Variants in HSPD1 observed in about 807,000 individuals in gnomAD.
HSPD1 encodes heat shock protein family D (Hsp60) member 1, also known as 60 kDa heat shock protein, mitochondrial.
A neutral mutation model predicts 53.0 loss-of-function variants in HSPD1; 3 were observed. The observed-to-expected ratio is 0.06, with a 90% CI of 0.03 to 0.15. The LOEUF (loss-of-function observed/expected upper bound fraction) is 0.15. Among genes scored for constraint, HSPD1 ranks in the 10% least tolerant of loss-of-function variants. The probability of loss-of-function intolerance (pLI) is 1.00; values close to 1 mark genes in which losing one functional copy is unlikely to be tolerated. For missense variants in HSPD1, 431 were observed against 694.1 expected (o/e 0.62, Z 4.26); for synonymous variants, 200 against 228.0 (o/e 0.88, Z 1.10).
intron 8 of HSPD1, 26 bp downstream of exon 8, chr2:197,490,171 A>C (rs1210237154): frequency 2.8e-6 from 4 of 1,440,668 alleles, no homozygotes; most frequent in Middle Eastern, 2.1e-4. Flanking sequence ...CATTCAGCAA[A>C]CCATTATCAC....
chr2:197,499,048 G>A (rs1333731398), intron 1 of HSPD1, 198 bp from the exon 2 acceptor site: 6 of 636,158 alleles, frequency 9.4e-6, no homozygotes. Flanking sequence ...GGCCGCCCCG[G>A]CCGGCGCCTG....
intron 3 of HSPD1, 160 bp downstream of exon 3, chr2:197,496,980 G>A: frequency 2.7e-6 from 2 of 729,842 alleles, no homozygotes; most frequent in Non-Finnish European, 4.8e-6. Context: ...ATACAGCCAA[G>A]CTTGCTAAAG....
rs571826905 is a variant in HSPD1 at position 197,490,562 on chromosome 2, G to T, written c.870-266C>A. 66 of 426,570 alleles carry T rather than the reference G, an allele frequency of 1.5e-4. No homozygotes were observed. In the Admixed American group the frequency reaches 1.6e-3, roughly 10 times the overall value. 26.4% of individuals were successfully genotyped at this position (426,570 alleles called of 1,614,324 possible). A position where few individuals can be genotyped will look rare whatever the true frequency, so the allele number is the denominator to read the frequency against. ...AACTGTTGGCCTGGCCGGGCGTGGT[G>T]ACTCAGGCCTGTAATCCCGGCACTT... On this transcript the variant is annotated intron_variant, in intron 7 of 11. Transcript: ENST00000388968.
chr2:197,487,589 GA>G (rs2086042160), intron 11 of HSPD1, among the ~76,000 whole-genome samples: 1 of 152,212 alleles, frequency 6.6e-6, no homozygotes, highest in Non-Finnish European at 1.5e-5. Flanking sequence ...TGCCAGGCAG[GA>G]ACAGGGTGTT....
At chr2:197,488,579 C>A in intron 9 of HSPD1, 88 bp from the exon 10 acceptor site, 2 of 1,282,368 alleles carry the variant, frequency 1.6e-6, no homozygotes, top group Non-Finnish European at 2.3e-6. Context: ...ACTTAAAAAG[C>A]AATCCTGAGG....
Position 197,493,509 on chromosome 2 carries a change from G to A in HSPD1, c.701-17C>T, listed in dbSNP as rs770407718. ...ATTTCTGACCTGTAAAAATAATGAA[G>A]ATTTCAAAAATATACAAAAAATGAC... On this transcript the variant is annotated splice_polypyrimidine_tract_variant and intron_variant, in intron 6 of 11. Transcript: ENST00000388968. The A allele has an allele frequency of 2.5e-6, 4 of 1,588,604 alleles. No homozygotes were observed. The highest frequency in any genetic ancestry group is 3.5e-6 in the Non-Finnish European group (4 of 1,157,092).
intron 11 of HSPD1, 49 bp downstream of exon 11, chr2:197,487,809 T>C (rs779408566): frequency 2.5e-5 from 38 of 1,507,276 alleles, no homozygotes; most frequent in Non-Finnish European, 3.5e-5. Flanking sequence ...GAGGATACAT[T>C]AACAAAATGA....
intron 8 of HSPD1, among the ~76,000 whole-genome samples, chr2:197,489,599 C>T (rs538424551): frequency 6.6e-6 from 1 of 152,272 alleles, no homozygotes; most frequent in Non-Finnish European, 1.5e-5. Context: ...GTAGCTCATG[C>T]CTGTAATCCC....
At chr2:197,499,294 A>T (rs2086205538) in intron 1 of HSPD1, 2 of 276,194 alleles carry the variant, frequency 7.2e-6, no homozygotes, top group Non-Finnish European at 1.4e-5. Context: ...GTCTCCATGG[A>T]TCCACCCAAG....
At chr2:197,496,583 T>C (rs1398522842) in intron 3 of HSPD1, among the ~76,000 whole-genome samples, 1 of 152,196 alleles carries the variant, frequency 6.6e-6, no homozygotes, top group Non-Finnish European at 1.5e-5. Flanking sequence ...GGGACTAGAA[T>C]TTAAGTCTAT....
intron 7 of HSPD1, among the ~76,000 whole-genome samples, chr2:197,491,041 G>A (rs1225015716): frequency 2.6e-5 from 4 of 152,104 alleles, no homozygotes; most frequent in African/African-American, 7.2e-5. Flanking sequence ...AAGACAGCTG[G>A]TCTATTTTAT....
intron 2 of HSPD1, 86 bp downstream of exon 2, chr2:197,498,589 G>A (rs2086191211): frequency 1.3e-5 from 15 of 1,174,658 alleles, no homozygotes; most frequent in Non-Finnish European, 1.9e-5. Context: ...GGAGATGAAA[G>A]TACTGTTGAA....
chr2:197,489,097 T>C lies in HSPD1; in HGVS notation c.1120A>G (p.Ile374Val). ...GTTGTGACATCTAACTGCTCAATGA[T>C]TTCTTGAATACGTTTTTCAATTTGA... ...KAQIEKRIQEIIEQLDVTTSE... is the reference protein window; with the variant it reads ...KAQIEKRIQEVIEQLDVTTSE... The change falls in exon 9 of 12, where the codon ATC (isoleucine) becomes GTC (valine). Residue 374 changes from isoleucine (I) to valine (V), a missense_variant. Physicochemically the swap from Ile to Val is conservative, Grantham distance 29. Around this residue, in one of 2 missense-constraint regions of HSPD1, gnomAD observed 386 missense variants for 657.6 expected, o/e 0.59. Coordinates refer to ENST00000388968, the MANE Select transcript of HSPD1 (RefSeq NM_002156.5). The C allele has an allele frequency of 1.2e-6, 2 of 1,614,008 alleles. No individual in the cohort carries two copies. Among genetic ancestry groups the C allele is most frequent in the Non-Finnish European group, 1.7e-6 (2 of 1,179,866 alleles).
chr2:197,491,803 C>T (rs554756666), intron 7 of HSPD1, among the ~76,000 whole-genome samples: 2 of 152,130 alleles, frequency 1.3e-5, no homozygotes, highest in Non-Finnish European at 2.9e-5. Flanking sequence ...GTGCTATTTT[C>T]TCTACTTCAG....
In HSPD1 at chr2:197,498,961, A is replaced by G. The variant is rs879044485; in HGVS notation, c.-2-111T>C. 6 of 940,034 alleles carry G rather than the reference A, an allele frequency of 6.4e-6. No individual in the cohort carries two copies. The African/African-American group carries it at 9.7e-5, about 15-fold the overall frequency. 58.2% of individuals were successfully genotyped at this position (940,034 alleles called of 1,614,324 possible). On this transcript the variant is annotated intron_variant, in intron 1 of 11. Coordinates refer to ENST00000388968, the MANE Select transcript of HSPD1 (RefSeq NM_002156.5). ...CAACGTGAGATGCTGAGCCTGGCTG[A>G]CCTCCGCCAGCCACTACGCCTGAAT...
chr2:197,496,742 T>C, intron 3 of HSPD1: 1 of 252,742 alleles, frequency 4.0e-6, no homozygotes, highest in African/African-American at 2.2e-5. Flanking sequence ...TTCTGAATGA[T>C]CCAGTGTATT....
At chr2:197,489,657 T>G (rs928912159) in intron 8 of HSPD1, among the ~76,000 whole-genome samples, 2 of 152,042 alleles carry the variant, frequency 1.3e-5, no homozygotes, top group African/African-American at 4.8e-5. Flanking sequence ...TCCAGAAGTT[T>G]GAGAAGCCTA....
At chr2:197,499,024 G>C in intron 1 of HSPD1, 174 bp from the exon 2 acceptor site, 1 of 694,804 alleles carries the variant, frequency 1.4e-6, no homozygotes, top group South Asian at 1.7e-5. Flanking sequence ...TCAGCCACTA[G>C]CGCAAGCTAA....
rs777408508 is a variant in HSPD1 at position 197,495,334 on chromosome 2, T to C, written c.470A>G (p.Lys157Arg). The change falls in exon 4 of 12, where the codon AAG (lysine) becomes AGG (arginine). Residue 157 changes from lysine to arginine, a missense_variant. By Grantham distance (26) the Lys-to-Arg change is conservative (BLOSUM62 2). Around this residue, in one of 2 missense-constraint regions of HSPD1, gnomAD observed 386 missense variants for 657.6 expected, o/e 0.59. Transcript: ENST00000388968. Reference protein sequence around the residue: ...AVDAVIAELKKQSKPVTTPEE... With the variant: ...AVDAVIAELKRQSKPVTTPEE... ...AGGGGTGGTCACAGGTTTAGACTGCTTTTTAAGTTCAGCAATTACAGCATC... is the reference window on the plus strand; with the variant it reads ...AGGGGTGGTCACAGGTTTAGACTGCCTTTTAAGTTCAGCAATTACAGCATC... 1 of 1,611,342 alleles carries C rather than the reference T, an allele frequency of 6.2e-7. No homozygotes were observed. Among genetic ancestry groups the C allele is most frequent in the South Asian group, 1.1e-5 (1 of 91,022 alleles).
Sources: allele counts gnomAD v4.1 joint callset (sites outside exome capture counted in the v4.1 genomes callset), GRCh38; gene constraint gnomAD v4.1.1; regional missense constraint gnomAD v4.1.1; transcripts MANE v1.5; gene names NCBI Gene and HGNC (gene_info 2026-07-23, HGNC 2026-07-21).